The following ATP9A variants were observed in gnomAD, a reference collection of about 807,000 sequenced individuals.
ATP9A encodes probable phospholipid-transporting ATPase IIA.
Under a neutral mutation model 144.1 loss-of-function variants are expected in ATP9A, and 52 were observed. That is an observed-to-expected ratio of 0.36 (90% confidence interval 0.29 to 0.45). The LOEUF (loss-of-function observed/expected upper bound fraction) is 0.45. Ranked by LOEUF, ATP9A falls within the 20% of genes least tolerant of loss-of-function variation. ATP9A has a pLI of 1.00. For missense variants in ATP9A, 947 were observed against 1,392.7 expected (o/e 0.68, Z 5.09); for synonymous variants, 582 against 557.4 (o/e 1.04, Z -0.62).
At chr20:51,724,101 G>A (rs1401525639) in intron 3 of ATP9A, among the ~76,000 whole-genome samples, 1 of 151,992 alleles carries the variant, frequency 6.6e-6, no homozygotes, top group African/African-American at 2.4e-5. Context: ...GACCCAGGAG[G>A]CAGAGGTTGT....
chr20:51,727,944 A>G (rs1220916358), intron 2 of ATP9A, among the ~76,000 whole-genome samples: 1 of 150,250 alleles, frequency 6.7e-6, no homozygotes, highest in African/African-American at 2.5e-5. Flanking sequence ...AAAAAAAAAA[A>G]AGCTATGTCC....
intron 4 of ATP9A, among the ~76,000 whole-genome samples, chr20:51,698,136 A>G (rs2077578365): frequency 6.6e-6 from 1 of 152,200 alleles, no homozygotes; most frequent in Non-Finnish European, 1.5e-5. Flanking sequence ...ACCTTCCCCC[A>G]AAGTCTCAGA....
In ATP9A at chr20:51,618,737, G is replaced by A. The variant is rs1401813958; in HGVS notation, c.2275C>T (p.Arg759Ter). 2 of 1,612,200 alleles carry A rather than the reference G, an allele frequency of 1.2e-6. No homozygotes were observed. Among genetic ancestry groups the A allele is most frequent in the East Asian group, 2.2e-5 (1 of 44,850 alleles). ...ACQCPAVVCC[R>*]CAPTQKAQIV... ...TGGGCCTTCTGGGTGGGGGCACATC[G>A]GCAGCAGACTACGGCCGGGCACTGG... The change falls in exon 21 of 28, where the codon CGA becomes TGA. Residue 759 changes from arginine to a stop codon, truncating the protein, a stop_gained. Coordinates refer to ENST00000338821, the MANE Select transcript of ATP9A (RefSeq NM_006045.3). LOFTEE classifies it high-confidence loss of function.
chr20:51,727,121 G>T (rs62226706), intron 2 of ATP9A, among the ~76,000 whole-genome samples: 3 of 150,806 alleles, frequency 2.0e-5, no homozygotes, highest in Non-Finnish European at 4.4e-5. Context: ...GTGAAACCCC[G>T]TCTCTACAAA....
intron 2 of ATP9A, among the ~76,000 whole-genome samples, chr20:51,726,184 G>T (rs541274887): frequency 3.3e-5 from 5 of 151,972 alleles, no homozygotes; most frequent in African/African-American, 1.2e-4. Flanking sequence ...GTGGTGGCAG[G>T]CACCTATAAT....
At chr20:51,672,695 GTAT>G (rs758388037) in intron 11 of ATP9A, among the ~76,000 whole-genome samples, 1 of 152,076 alleles carries the variant, frequency 6.6e-6, no homozygotes, top group Non-Finnish European at 1.5e-5. Context: ...ATAAGACAGA[GTAT>G]AAGCACTAAA....
At chr20:51,727,923 T>C (rs2077722411) in intron 2 of ATP9A, among the ~76,000 whole-genome samples, 1 of 66,432 alleles carries the variant, frequency 1.5e-5, no homozygotes. Context: ...AGAGGGAGAC[T>C]CAGTCTCAAA....
At chr20:51,634,306 G>A (rs145577641) in intron 15 of ATP9A, among the ~76,000 whole-genome samples, 6 of 152,246 alleles carry the variant, frequency 3.9e-5, no homozygotes, top group African/African-American at 1.4e-4. Flanking sequence ...AAAGTAATTC[G>A]ATAGGAGATA....
intron 14 of ATP9A, among the ~76,000 whole-genome samples, chr20:51,652,883 C>A (rs139676607): frequency 2.0e-5 from 3 of 151,836 alleles, no homozygotes; most frequent in African/African-American, 4.8e-5. Context: ...CCAAGGCGGG[C>A]GGATCACGAG....
chr20:51,619,137 G>A (rs1395605547), intron 19 of ATP9A, 94 bp from the exon 20 acceptor site: 1 of 1,056,816 alleles, frequency 9.5e-7, no homozygotes, highest in Non-Finnish European at 1.4e-6. Flanking sequence ...GAAGACAACG[G>A]CCACCCCAGC....
intron 9 of ATP9A, among the ~76,000 whole-genome samples, chr20:51,683,682 C>G (rs185457422): frequency 6.6e-6 from 1 of 152,200 alleles, no homozygotes; most frequent in Non-Finnish European, 1.5e-5. Context: ...TCCCAAAGTG[C>G]TAGGATTACA....
chr20:51,657,992 C>T (rs1317140234), intron 13 of ATP9A, among the ~76,000 whole-genome samples: 1 of 152,220 alleles, frequency 6.6e-6, no homozygotes, highest in Non-Finnish European at 1.5e-5. Flanking sequence ...ACTGGCAACA[C>T]AGCTCAGCCC....
At chr20:51,608,921 A>ATG (rs1491526287) in intron 24 of ATP9A, among the ~76,000 whole-genome samples, 1 of 30,996 alleles carries the variant, frequency 3.2e-5, no homozygotes, top group African/African-American at 1.1e-4. Flanking sequence ...AGGAAATAAG[A>ATG]CGTGTGTGTG....
At chr20:51,767,140 C>G (rs6096573) in intron 1 of ATP9A, among the ~76,000 whole-genome samples, 1 of 150,296 alleles carries the variant, frequency 6.7e-6, no homozygotes, top group Non-Finnish European at 1.5e-5. Context: ...CTCCACCCGC[C>G]GCGTCTCCTG....
At chr20:51,631,568 G>A (rs567675749) in intron 15 of ATP9A, among the ~76,000 whole-genome samples, 3 of 152,226 alleles carry the variant, frequency 2.0e-5, no homozygotes, top group East Asian at 3.9e-4. Context: ...TTCCTCCCAC[G>A]GAGTTCATCA....
In ATP9A at chr20:51,637,953, G is replaced by A. The variant is rs553424906; in HGVS notation, c.1668+1390C>T. ...CTCCCTCTTATGAGTGAGAACATAC[G>A]ACATTTGGCTTTCCATTCCTGAGTT... is the stretch of plus-strand genomic sequence containing the variant. On this transcript the variant is annotated intron_variant, in intron 15 of 27. Transcript: ENST00000338821. Among the ~76,000 whole-genome samples the A allele has an allele frequency of 1.5e-4, 22 of 149,968 alleles. 1 individual carries two copies. The highest frequency in any genetic ancestry group is 5.4e-4 in the African/African-American group (22 of 40,820).
chr20:51,687,059 G>T (rs1345102447), intron 9 of ATP9A, among the ~76,000 whole-genome samples: 1 of 151,500 alleles, frequency 6.6e-6, no homozygotes, highest in Admixed American at 6.6e-5. Flanking sequence ...AATTATCAAA[G>T]AATAAAAAGA....
intron 13 of ATP9A, among the ~76,000 whole-genome samples, chr20:51,662,595 T>C (rs1282609190): frequency 7.3e-6 from 1 of 137,634 alleles, no homozygotes; most frequent in Admixed American, 6.9e-5. Context: ...GCTTTATTTA[T>C]TTTTTTTTTG....
At chr20:51,696,242 G>A in intron 5 of ATP9A, 98 bp from the exon 6 acceptor site, 3 of 1,047,136 alleles carry the variant, frequency 2.9e-6, no homozygotes, top group Non-Finnish European at 2.9e-6. Flanking sequence ...CCCTCGGTGG[G>A]TTGGGGCAGG....
Sources: allele counts gnomAD v4.1 joint callset (sites outside exome capture counted in the v4.1 genomes callset), GRCh38; gene constraint gnomAD v4.1.1; transcripts MANE v1.5; gene names NCBI Gene and HGNC (gene_info 2026-07-23, HGNC 2026-07-21).